The following BICD1 variants were observed in gnomAD, a reference collection of about 807,000 sequenced individuals.
The protein encoded by BICD1 is BICD cargo adaptor 1.
In BICD1, 35 loss-of-function variants were observed where a neutral mutation model predicts 92.5. The observed-to-expected ratio is 0.38, with a 90% CI of 0.29 to 0.50. The LOEUF (loss-of-function observed/expected upper bound fraction) is 0.50. Among genes scored for constraint, BICD1 ranks in the 20% least tolerant of loss-of-function variants. The pLI, the probability that BICD1 is intolerant of heterozygous loss-of-function variation, is 0.93. For synonymous variants in BICD1, 429 were observed against 465.1 expected (o/e 0.92, Z 1.00); for missense variants, 950 against 1,189.8 (o/e 0.80, Z 2.97).
intron 1 of BICD1, among the ~76,000 whole-genome samples, chr12:32,215,975 A>AAAAAAAG (rs1555148835): frequency 2.1e-5 from 3 of 143,992 alleles, no homozygotes; most frequent in Non-Finnish European, 4.5e-5. Flanking sequence ...AAAAAAAAAA[A>AAAAAAAG]GGAGAACATA....
intron 2 of BICD1, among the ~76,000 whole-genome samples, chr12:32,278,622 G>T (rs559384139): frequency 3.9e-5 from 6 of 152,286 alleles, no homozygotes; most frequent in Non-Finnish European, 8.8e-5. Flanking sequence ...CGGAGGCCGC[G>T]GCCGGCGGAT....
At chr12:32,174,840 A>C (rs1260055736) in intron 1 of BICD1, among the ~76,000 whole-genome samples, 1 of 152,190 alleles carries the variant, frequency 6.6e-6, no homozygotes, top group African/African-American at 2.4e-5. Flanking sequence ...CTGAAACCTC[A>C]TTGGCAGTCT....
At chr12:32,324,407 C>T (rs1004887194) in intron 4 of BICD1, among the ~76,000 whole-genome samples, 5 of 150,910 alleles carry the variant, frequency 3.3e-5, no homozygotes, top group Non-Finnish European at 7.4e-5. Context: ...CTTTTCTATG[C>T]TTTGGCAAAT....
intron 1 of BICD1, among the ~76,000 whole-genome samples, chr12:32,120,308 C>G (rs545436393): frequency 3.4e-4 from 52 of 152,214 alleles, no homozygotes; most frequent in Non-Finnish European, 6.2e-4. Flanking sequence ...TATTTAACTG[C>G]TGTGTTTCTA....
intron 2 of BICD1, among the ~76,000 whole-genome samples, chr12:32,254,364 T>C (rs928482504): frequency 1.3e-5 from 2 of 152,076 alleles, no homozygotes; most frequent in Non-Finnish European, 2.9e-5. Flanking sequence ...ACCTGTCATA[T>C]TCACTGCCAT....
At chr12:32,173,581 G>C (rs1194730397) in intron 1 of BICD1, among the ~76,000 whole-genome samples, 1 of 152,126 alleles carries the variant, frequency 6.6e-6, no homozygotes, top group Non-Finnish European at 1.5e-5. Flanking sequence ...ATAATGGCTA[G>C]AGTCATGTTC....
intron 1 of BICD1, chr12:32,108,903 A>T (rs77446683): frequency 2.2e-6 from 1 of 464,784 alleles, no homozygotes; most frequent in South Asian, 3.3e-5. Context: ...ATATTTTCCA[A>T]CTTAGATTAG....
At chr12:32,362,348 G>A (rs535703799) in intron 8 of BICD1, among the ~76,000 whole-genome samples, 8 of 152,132 alleles carry the variant, frequency 5.3e-5, no homozygotes, top group East Asian at 1.9e-4. Context: ...CAACAAGAGC[G>A]AAACTCTGTC....
intron 2 of BICD1, among the ~76,000 whole-genome samples, chr12:32,284,866 C>T (rs1310204791): frequency 2.0e-5 from 3 of 152,230 alleles, no homozygotes; most frequent in Non-Finnish European, 4.4e-5. Context: ...CCTCCCACTA[C>T]TTCAGAGGTT....
intron 1 of BICD1, among the ~76,000 whole-genome samples, chr12:32,189,099 T>C (rs1010414835): frequency 6.6e-6 from 1 of 152,264 alleles, no homozygotes; most frequent in Non-Finnish European, 1.5e-5. Context: ...TCATGAAGCC[T>C]GATAGGAAAA....
chr12:32,119,593 C>T (rs1942068820), intron 1 of BICD1, among the ~76,000 whole-genome samples: 1 of 152,158 alleles, frequency 6.6e-6, no homozygotes, highest in Non-Finnish European at 1.5e-5. Flanking sequence ...AATCTAGTTC[C>T]GGGTGCAGTG....
chr12:32,230,286 G>A (rs1466693901), intron 2 of BICD1, among the ~76,000 whole-genome samples: 4 of 152,016 alleles, frequency 2.6e-5, no homozygotes, highest in Admixed American at 2.6e-4. Context: ...TGTAATCCTA[G>A]CACCTTAGGA....
intron 8 of BICD1, among the ~76,000 whole-genome samples, chr12:32,350,102 G>A (rs2136303205): frequency 6.6e-6 from 1 of 152,308 alleles, no homozygotes; most frequent in Non-Finnish European, 1.5e-5. Flanking sequence ...GGCAGCCTGA[G>A]CTCCGGCTGT....
intron 8 of BICD1, among the ~76,000 whole-genome samples, chr12:32,342,874 G>A (rs1938433242): frequency 6.6e-6 from 1 of 152,102 alleles, no homozygotes; most frequent in Non-Finnish European, 1.5e-5. Context: ...ATAGGGTGAG[G>A]CACTGATTTT....
At chr12:32,124,202 A>G (rs1942251063) in intron 1 of BICD1, among the ~76,000 whole-genome samples, 1 of 152,204 alleles carries the variant, frequency 6.6e-6, no homozygotes. Flanking sequence ...TATTTATTAA[A>G]TCTTTAGAGA....
At chr12:32,183,142 C>T (rs927012451) in intron 1 of BICD1, among the ~76,000 whole-genome samples, 1 of 151,644 alleles carries the variant, frequency 6.6e-6, no homozygotes, top group Non-Finnish European at 1.5e-5. Flanking sequence ...CTCAAGTGAT[C>T]CTCCCTTCTC....
intron 2 of BICD1, among the ~76,000 whole-genome samples, chr12:32,225,716 G>A (rs978467790): frequency 7.0e-6 from 1 of 143,200 alleles, no homozygotes; most frequent in Non-Finnish European, 1.5e-5. Flanking sequence ...CACCTTCCGG[G>A]TTCAAGTGAT....
At chr12:32,126,853 G>A (rs1017634386) in intron 1 of BICD1, among the ~76,000 whole-genome samples, 6 of 152,130 alleles carry the variant, frequency 3.9e-5, no homozygotes, top group African/African-American at 1.2e-4. Flanking sequence ...CCACATCCTT[G>A]TCATCACTTC....
At chr12:32,293,701 A>G (rs534390251) in intron 2 of BICD1, among the ~76,000 whole-genome samples, 1 of 152,298 alleles carries the variant, frequency 6.6e-6, no homozygotes, top group South Asian at 2.1e-4. Context: ...CCCAAATAGC[A>G]AACGTTTAGA....
Sources: allele counts gnomAD v4.1 joint callset (sites outside exome capture counted in the v4.1 genomes callset), GRCh38; gene constraint gnomAD v4.1.1; transcripts MANE v1.5; gene names NCBI Gene and HGNC (gene_info 2026-07-23, HGNC 2026-07-21).